The following GSK3A variants were observed in gnomAD, a reference collection of about 807,000 sequenced individuals.
GSK3A encodes the protein glycogen synthase kinase-3 alpha.
In GSK3A, 14 loss-of-function variants were observed where a neutral mutation model predicts 56.6. The observed-to-expected ratio is 0.25, with a 90% CI of 0.16 to 0.39. GSK3A has a LOEUF of 0.39. GSK3A is among the 10% of genes least tolerant of loss of function. The probability of loss-of-function intolerance (pLI) is 1.00; values close to 1 mark genes in which losing one functional copy is unlikely to be tolerated. For synonymous variants in GSK3A, 301 were observed against 285.0 expected (o/e 1.06, Z -0.56); for missense variants, 450 against 656.0 (o/e 0.69, Z 3.43).
At chr19:42,239,508 C>G (rs373829669) in intron 2 of GSK3A, among the ~76,000 whole-genome samples, 1 of 152,122 alleles carries the variant, frequency 6.6e-6, no homozygotes, top group Admixed American at 6.5e-5. Context: ...CAGAACCACC[C>G]GCGCTAGCCC....
chr19:42,232,449 GC>G (rs555354549), intron 9 of GSK3A, 46 bp downstream of exon 9: 38 of 1,557,432 alleles, frequency 2.4e-5, no homozygotes, highest in Non-Finnish European at 3.2e-5. Context: ...ATCTTTGGCT[GC>G]CCCCCTACCC....
Position 42,232,647 on chromosome 19 carries a change from C to A in GSK3A, c.1134G>T (p.Ala378=), listed in dbSNP as rs756922244. Residue 378 remains alanine, a synonymous_variant, in exon 9 of 11, where the codon GCG becomes GCT. Transcript: ENST00000222330. The part of the protein sequence containing the change: ...FKSRTPPEAI[A]LCSSLLEYTP... ...TGTACTCCAGCAGGCTAGAGCAGAG[C>A]GCGATGGCCTCTGGCGGCGTTCGAG... 24 of 1,601,228 alleles carry A rather than the reference C, an allele frequency of 1.5e-5. 1 individual carries two copies. The South Asian group carries it at 2.6e-4, about 17-fold the overall frequency.
rs2036259298 is a variant in GSK3A at position 42,236,699 on chromosome 19, T to G, written c.573A>C (p.Leu191=). 6.2e-7 allele frequency: 1 copy of G among 1,613,400 alleles called. No homozygotes were observed. The highest frequency in any genetic ancestry group is 1.1e-5 in the South Asian group (1 of 91,056). The change falls in exon 4 of 11, where the codon CTA becomes CTC. Residue 191 remains leucine, a synonymous_variant. Transcript: ENST00000222330. ...CGGGCACATATTCCAGCACCAGATT[T>G]AGGTAAAGCTCGTCTTTCTGCAGGG... ...SSGEKKDELY[L]NLVLEYVPET...
intron 6 of GSK3A, among the ~76,000 whole-genome samples, chr19:42,233,832 C>G (rs1431300138): frequency 6.6e-6 from 1 of 152,162 alleles, no homozygotes; most frequent in African/African-American, 2.4e-5. Flanking sequence ...CCCCACAGCA[C>G]GAGTTCATAC....
chr19:42,240,099 T>C lies in GSK3A; in HGVS notation c.327A>G (p.Gln109=). ...CCACTTCTTGGGAGCGCTCTGGGCC[T>C]TGGCCTAGAGTGGCTACGACTGTGG... ...KVTTVVATLG[Q]GPERSQEVAY... is the part of the protein sequence containing the mutation. The change falls in exon 2 of 11, where the codon CAA becomes CAG. Residue 109 remains glutamine (Q), a synonymous_variant. Coordinates refer to ENST00000222330, the MANE Select transcript of GSK3A (RefSeq NM_019884.3). The C allele has an allele frequency of 1.2e-6, 2 of 1,614,158 alleles. No homozygotes were observed. Among genetic ancestry groups the C allele is most frequent in the Non-Finnish European group, 1.7e-6 (2 of 1,179,994 alleles).
At position 42,234,671 on chromosome 19, in the gene GSK3A, A is replaced by G. The variant is rs759265893; in HGVS notation, c.674T>C (p.Met225Thr). The stretch of plus-strand genomic sequence containing the variant: ...GGCCAAGCTGCGGAAGAGCTGGTAC[A>G]TGTACACCTGCGGCGGGCACAGGAT... ...TIPILYVKVY[M>T]YQLFRSLAYI... The change falls in exon 5 of 11, where the codon ATG (methionine) becomes ACG (threonine). Residue 225 changes from methionine to threonine, a missense_variant. Physicochemically the swap from Met to Thr is moderately conservative, Grantham distance 81. Around this residue, in one of 3 missense-constraint regions of GSK3A, gnomAD observed 144 missense variants for 308.0 expected, o/e 0.47. Transcript: ENST00000222330. The surrounding 1 kb of genome is among the most constrained non-coding windows in gnomAD (Gnocchi z 5.7). The G allele has an allele frequency of 1.3e-4, 205 of 1,601,062 alleles. No homozygotes were observed. The highest frequency in any genetic ancestry group is 1.6e-4 in the Non-Finnish European group (193 of 1,173,296).
chr19:42,232,687 G>C lies in GSK3A; in HGVS notation c.1099-5C>G. 6.4e-7 allele frequency: 1 copy of C among 1,568,982 alleles called. No homozygotes were observed. The highest frequency in any genetic ancestry group is 8.7e-7 in the Non-Finnish European group (1 of 1,154,714). On this transcript the variant is annotated splice_polypyrimidine_tract_variant and splice_region_variant and intron_variant, in intron 8 of 10. Transcript: ENST00000222330. ...CGGCGTTCGAGATTTGAACACCTGAGGGATGGGTGCAGGGCTCATGAGGGT... is the reference window on the plus strand; with the variant it reads ...CGGCGTTCGAGATTTGAACACCTGACGGATGGGTGCAGGGCTCATGAGGGT...
Position 42,242,224 on chromosome 19 carries a change from C to T in GSK3A, c.242G>A (p.Gly81Asp), listed in dbSNP as rs992462361. ...GGGCGGCGGGAAGCTAGTGCCTGCG[C>T]CGGGGCCTCCGCTGCCTCCTCCGCC... is the stretch of plus-strand genomic sequence containing the variant. ...GSGGGGSGGP[G>D]AGTSFPPPGV... The change falls in exon 1 of 11, where the codon GGC becomes GAC. Residue 81 changes from glycine to aspartate, a missense_variant. Coordinates refer to ENST00000222330, the MANE Select transcript of GSK3A (RefSeq NM_019884.3). The T allele has an allele frequency of 7.6e-6, 11 of 1,443,034 alleles. No homozygotes were observed. The highest frequency in any genetic ancestry group is 1.5e-5 in the African/African-American group (1 of 67,468). 89.4% of individuals were successfully genotyped at this position (1,443,034 alleles called of 1,614,324 possible). A position where few individuals can be genotyped will look rare whatever the true frequency, so the allele number is the denominator to read the frequency against.
At chr19:42,240,233 A>C in intron 1 of GSK3A, 91 bp from the exon 2 acceptor site, 1 of 1,237,408 alleles carries the variant, frequency 8.1e-7, no homozygotes, top group Non-Finnish European at 1.2e-6. Flanking sequence ...AAATCTCTGC[A>C]GGAAGCTCGT....
At chr19:42,231,255 G>T (rs752849212) in intron 10 of GSK3A, among the ~76,000 whole-genome samples, 2 of 152,128 alleles carry the variant, frequency 1.3e-5, no homozygotes, top group Non-Finnish European at 2.9e-5. Flanking sequence ...AGGTACTTAG[G>T]AGGCTGAGGC....
At chr19:42,231,175 C>A (rs2036221545) in intron 10 of GSK3A, among the ~76,000 whole-genome samples, 1 of 152,140 alleles carries the variant, frequency 6.6e-6, no homozygotes, top group Middle Eastern at 3.4e-3. Flanking sequence ...GCCTGGCCAA[C>A]ATGGTGAAAC....
chr19:42,230,923 G>A (rs532898849), intron 10 of GSK3A, 56 bp from the exon 11 acceptor site: 15 of 1,133,308 alleles, frequency 1.3e-5, no homozygotes, highest in Non-Finnish European at 1.6e-5. Flanking sequence ...ACACCCCTTC[G>A]CCCAACCCAA....
rs946759033 is a variant in GSK3A, at chr19:42,242,540, C to A, written c.-75G>T. The A allele has an allele frequency of 2.6e-4, 253 of 970,588 alleles. 3 individuals carry two copies. The Admixed American group carries it at 0.014, about 55-fold the overall frequency. The allele number at this position is 970,588 out of a possible 1,614,324, so 60.1% of individuals were successfully genotyped here. ...CCAGCCGCCGCCGCTGCCGCCGCCTCCCCCGGGCCCTGGCCTCTTCCAGGC... is the reference window on the plus strand; with the variant it reads ...CCAGCCGCCGCCGCTGCCGCCGCCTACCCCGGGCCCTGGCCTCTTCCAGGC... On this transcript the variant is annotated 5_prime_UTR_variant, in exon 1 of 11. Coordinates refer to ENST00000222330, the MANE Select transcript of GSK3A (RefSeq NM_019884.3).
intron 4 of GSK3A, among the ~76,000 whole-genome samples, chr19:42,235,776 C>T (rs2036253203): frequency 6.6e-6 from 1 of 152,188 alleles, no homozygotes; most frequent in African/African-American, 2.4e-5. Flanking sequence ...TCTTCAAGGC[C>T]AAGGCCTGGG....
intron 10 of GSK3A, among the ~76,000 whole-genome samples, chr19:42,231,804 A>G (rs1252336276): frequency 6.6e-6 from 1 of 152,154 alleles, no homozygotes; most frequent in Non-Finnish European, 1.5e-5. Flanking sequence ...TGGGCAACGA[A>G]TTCAACTTTT....
chr19:42,235,555 T>G (rs1286434748), intron 4 of GSK3A, among the ~76,000 whole-genome samples: 4 of 152,150 alleles, frequency 2.6e-5, no homozygotes, highest in Non-Finnish European at 2.9e-5. Context: ...GCCCCCTTCC[T>G]TTTATTCCAG....
intron 8 of GSK3A, 181 bp from the exon 9 acceptor site, chr19:42,232,863 G>C (rs1256966208): frequency 1.7e-6 from 1 of 599,182 alleles, no homozygotes; most frequent in East Asian, 3.0e-5. Context: ...CGGGTAAGCA[G>C]GCAGCCCAGG....
At chr19:42,232,236 C>G in intron 9 of GSK3A, 87 bp from the exon 10 acceptor site, 1 of 867,338 alleles carries the variant, frequency 1.2e-6, no homozygotes, top group Non-Finnish European at 1.9e-6. Context: ...ATTGGGAAGG[C>G]CAGTTGTTTG....
At chr19:42,231,185 C>T (rs2036221605) in intron 10 of GSK3A, among the ~76,000 whole-genome samples, 1 of 152,048 alleles carries the variant, frequency 6.6e-6, no homozygotes, top group Non-Finnish European at 1.5e-5. Context: ...CATGGTGAAA[C>T]TCCATGTCTA....
Sources: allele counts gnomAD v4.1 joint callset (sites outside exome capture counted in the v4.1 genomes callset), GRCh38; gene constraint gnomAD v4.1.1; regional missense constraint gnomAD v4.1.1; non-coding constraint Gnocchi (gnomAD v3.1); transcripts MANE v1.5; gene names NCBI Gene and HGNC (gene_info 2026-07-23, HGNC 2026-07-21).